The following SHISA6 variants were observed in gnomAD, a reference collection of about 807,000 sequenced individuals.
SHISA6 encodes the protein shisa family member 6.
SHISA6 carries 22 observed loss-of-function variants against 47.9 expected under a neutral mutation model. The ratio of observed to expected loss-of-function variants is 0.46; its 90% CI spans 0.33 to 0.66. SHISA6 has a LOEUF of 0.66. Among genes scored for constraint, SHISA6 ranks in the 30% least tolerant of loss-of-function variants. The pLI is 0.02. For missense variants in SHISA6, 680 were observed against 764.6 expected (o/e 0.89, Z 1.30); for synonymous variants, 388 against 337.8 (o/e 1.15, Z -1.63).
chr17:11,418,049 G>A (rs1914336483), intron 3 of SHISA6, among the ~76,000 whole-genome samples: 1 of 152,204 alleles, frequency 6.6e-6, no homozygotes, highest in African/African-American at 2.4e-5. Context: ...CACCTCACAT[G>A]TGTTCTTCCC....
chr17:11,249,130 T>G (rs1597420450), intron 1 of SHISA6, among the ~76,000 whole-genome samples: 1 of 121,378 alleles, frequency 8.2e-6, no homozygotes, highest in Non-Finnish European at 1.6e-5. Context: ...AGAGCGAGAC[T>G]CCGTCTCAAA....
chr17:11,403,643 C>G (rs922451124), intron 3 of SHISA6, among the ~76,000 whole-genome samples: 3 of 152,152 alleles, frequency 2.0e-5, no homozygotes, highest in Non-Finnish European at 2.9e-5. Context: ...TGGCGCTTAG[C>G]CAGCCTCTTC....
chr17:11,262,871 C>G (rs750953897), intron 1 of SHISA6, among the ~76,000 whole-genome samples: 1 of 152,182 alleles, frequency 6.6e-6, no homozygotes, highest in African/African-American at 2.4e-5. Flanking sequence ...CAATCACACC[C>G]TTCCTTGATA....
chr17:11,276,927 A>G (rs146719001), intron 2 of SHISA6, among the ~76,000 whole-genome samples: 102 of 152,276 alleles, frequency 6.7e-4, no homozygotes, highest in Admixed American at 1.6e-3. Context: ...TTTTAATACT[A>G]ATATCTAAAG....
rs1405909489 is a variant in SHISA6 at position 11,561,587 on chromosome 17, C to G, written c.*3283C>G. 6.6e-6 allele frequency: 1 copy of G among 152,274 alleles called. No homozygotes were observed. The highest frequency in any genetic ancestry group is 1.5e-5 in the Non-Finnish European group (1 of 68,140). The allele number at this position is 152,274 out of a possible 1,614,324, so 9.4% of individuals were successfully genotyped here. A position where few individuals can be genotyped will look rare whatever the true frequency, so the allele number is the denominator to read the frequency against. ...CTCTTAGAAAGTTCCAACCTTGCCC[C>G]CAATTCAAATTTCTCCTCCCCTCTT... On this transcript the variant is annotated 3_prime_UTR_variant, in exon 6 of 6. Coordinates refer to ENST00000441885, the MANE Select transcript of SHISA6 (RefSeq NM_207386.4).
At chr17:11,456,722 C>T (rs544030952) in intron 3 of SHISA6, among the ~76,000 whole-genome samples, 83 of 152,280 alleles carry the variant, frequency 5.5e-4, no homozygotes, top group Non-Finnish European at 7.9e-4. Context: ...CCTCTGCACA[C>T]GAAGAACTGC....
intron 2 of SHISA6, among the ~76,000 whole-genome samples, chr17:11,350,242 C>T (rs969456363): frequency 9.5e-5 from 9 of 95,048 alleles, no homozygotes; most frequent in Non-Finnish European, 1.4e-4. Context: ...TGCAGTGGCG[C>T]GATCTCGGCT....
intron 2 of SHISA6, among the ~76,000 whole-genome samples, chr17:11,345,700 T>G (rs1289194421): frequency 5.9e-5 from 9 of 152,126 alleles, no homozygotes; most frequent in African/African-American, 2.2e-4. Flanking sequence ...TTAAATTTAT[T>G]ACTAGATATT....
chr17:11,454,435 C>G (rs1915482465), intron 3 of SHISA6, among the ~76,000 whole-genome samples: 1 of 152,192 alleles, frequency 6.6e-6, no homozygotes, highest in Non-Finnish European at 1.5e-5. Context: ...TCAGATAACT[C>G]CTTACTTCAA....
chr17:11,247,078 G>A (rs1485064014), intron 1 of SHISA6, among the ~76,000 whole-genome samples: 1 of 152,148 alleles, frequency 6.6e-6, no homozygotes, highest in African/African-American at 2.4e-5. Flanking sequence ...GTTCTAGGCT[G>A]CCAAGACACA....
chr17:11,515,322 AAGG>A (rs2071576075), intron 3 of SHISA6, among the ~76,000 whole-genome samples: 1 of 105,272 alleles, frequency 9.5e-6, no homozygotes, highest in Non-Finnish European at 2.1e-5. Flanking sequence ...AAAAGGAAGG[AAGG>A]AAGGAAGGAA....
chr17:11,295,176 T>C (rs1909704673), intron 2 of SHISA6, among the ~76,000 whole-genome samples: 1 of 152,222 alleles, frequency 6.6e-6, no homozygotes, highest in African/African-American at 2.4e-5. Flanking sequence ...AATTTCTATT[T>C]AATATTTTCA....
intron 3 of SHISA6, among the ~76,000 whole-genome samples, chr17:11,431,379 C>G (rs958435797): frequency 7.9e-5 from 12 of 152,180 alleles, no homozygotes; most frequent in Non-Finnish European, 2.9e-5. Flanking sequence ...CCACACCCAC[C>G]ACCACACAGG....
intron 3 of SHISA6, among the ~76,000 whole-genome samples, chr17:11,534,157 C>CTTTTTTTT (rs373384700): frequency 6.1e-4 from 57 of 93,156 alleles, no homozygotes; most frequent in African/African-American, 9.1e-4. Flanking sequence ...TCTTTTTTTT[C>CTTTTTTTT]TTTTTTTTTT....
intron 2 of SHISA6, among the ~76,000 whole-genome samples, chr17:11,353,699 A>C (rs190634428): frequency 6.6e-5 from 10 of 152,270 alleles, no homozygotes; most frequent in Admixed American, 3.9e-4. Context: ...GGACACTGTG[A>C]TAAACAGGAA....
intron 2 of SHISA6, among the ~76,000 whole-genome samples, chr17:11,323,907 A>G (rs1910791673): frequency 6.6e-6 from 1 of 152,228 alleles, no homozygotes. Flanking sequence ...CATATGATCC[A>G]AAGCACTTAT....
At position 11,498,336 on chromosome 17, in the gene SHISA6, A is replaced by G. The variant is rs527373817; in HGVS notation, c.896-53560A>G. 2.6e-5 allele frequency among the ~76,000 whole-genome samples: 4 copies of G among 152,326 alleles called. No individual in the cohort carries two copies. The South Asian group carries it at 8.3e-4, about 32-fold the overall frequency. Reference sequence around the variant, plus strand: ...TCCTACTGATCTCACACTCAGAATCATTGGTATGAGTATCTGTCTTCCTGA... The same window carrying G: ...TCCTACTGATCTCACACTCAGAATCGTTGGTATGAGTATCTGTCTTCCTGA... On this transcript the variant is annotated intron_variant, in intron 3 of 5. Coordinates refer to ENST00000441885, the MANE Select transcript of SHISA6 (RefSeq NM_207386.4).
intron 2 of SHISA6, among the ~76,000 whole-genome samples, chr17:11,273,655 A>G (rs558488182): frequency 1.3e-5 from 2 of 152,318 alleles, no homozygotes; most frequent in Non-Finnish European, 2.9e-5. Flanking sequence ...AGCCTTCATT[A>G]TCATAGTCCT....
At chr17:11,296,006 C>T (rs1157454512) in intron 2 of SHISA6, among the ~76,000 whole-genome samples, 2 of 148,694 alleles carry the variant, frequency 1.3e-5, no homozygotes, top group East Asian at 2.0e-4. Context: ...ACATTCCAGG[C>T]AATGGGAATA....
Sources: gnomAD v4.1 joint callset for allele counts (sites outside exome capture counted in the v4.1 genomes callset) on GRCh38, gnomAD v4.1.1 for gene constraint, MANE v1.5 for transcripts, NCBI Gene and HGNC (gene_info 2026-07-23, HGNC 2026-07-21) for gene names.